Variants in CDCA7L observed in about 807,000 individuals in gnomAD.
CDCA7L encodes the protein cell division cycle-associated 7-like protein.
A neutral mutation model predicts 57.4 loss-of-function variants in CDCA7L; 44 were observed. The ratio of observed to expected loss-of-function variants is 0.77; its 90% CI spans 0.60 to 0.98. The LOEUF is 0.98. Among genes scored for constraint, CDCA7L ranks in the 50% least tolerant of loss-of-function variants. The probability of loss-of-function intolerance (pLI) is 0.00; values close to 1 mark genes in which losing one functional copy is unlikely to be tolerated. For synonymous variants in CDCA7L, 236 were observed against 202.8 expected, an observed-to-expected ratio of 1.16 and a Z score of -1.39; for missense variants, 644 against 580.6, an observed-to-expected ratio of 1.11 and a Z score of -1.12.
intron 1 of CDCA7L, among the ~76,000 whole-genome samples, chr7:21,945,192 CAT>C (rs554013481): frequency 3.1e-4 from 47 of 152,188 alleles, no homozygotes; most frequent in African/African-American, 1.1e-3. Context: ...TCGTGCTGTG[CAT>C]ATGATTTGGG....
intron 2 of CDCA7L, among the ~76,000 whole-genome samples, chr7:21,915,716 A>T (rs1785464132): frequency 6.6e-6 from 1 of 150,984 alleles, no homozygotes; most frequent in African/African-American, 2.4e-5. Flanking sequence ...AATCCCAGCT[A>T]CTCGGGAGGC....
chr7:21,916,896 T>C lies in CDCA7L; in HGVS notation c.25-2A>G. On this transcript the variant is annotated splice_acceptor_variant, in intron 1 of 9. Coordinates refer to ENST00000406877, the MANE Select transcript of CDCA7L (RefSeq NM_018719.5). LOFTEE classifies it high-confidence loss of function. The stretch of plus-strand genomic sequence containing the variant: ...GATGTCAGCCACTTCTTTAGGGATC[T>C]GTTTTGGATTCAAAAGAGGCAGGAT... The C allele has an allele frequency of 6.2e-7, 1 of 1,614,042 alleles. No homozygotes were observed. The highest frequency in any genetic ancestry group is 8.5e-7 in the Non-Finnish European group (1 of 1,179,948).
chr7:21,905,983 G>C (rs1785125605), intron 6 of CDCA7L, among the ~76,000 whole-genome samples: 1 of 152,230 alleles, frequency 6.6e-6, no homozygotes, highest in Non-Finnish European at 1.5e-5. Flanking sequence ...AAGGCAAGGA[G>C]GAATCACTGC....
At chr7:21,903,797 C>T (rs1454842921) in intron 8 of CDCA7L, 1 of 232,672 alleles carries the variant, frequency 4.3e-6, no homozygotes, top group African/African-American at 2.3e-5. Flanking sequence ...AAAAACAAAA[C>T]AAATCAGAGG....
intron 2 of CDCA7L, among the ~76,000 whole-genome samples, chr7:21,915,645 A>AC (rs965541528): frequency 3.6e-5 from 4 of 111,060 alleles, no homozygotes; most frequent in Non-Finnish European, 6.9e-5. Context: ...TAAAAAAAAA[A>AC]AAAAAAAAAA....
At chr7:21,915,105 G>T (rs1391244645) in intron 2 of CDCA7L, among the ~76,000 whole-genome samples, 1 of 152,160 alleles carries the variant, frequency 6.6e-6, no homozygotes, top group Non-Finnish European at 1.5e-5. Flanking sequence ...GAGCATTCGG[G>T]TAAGAGCTAC....
In CDCA7L at chr7:21,911,687, T is replaced by A. The variant is rs747912377; in HGVS notation, c.233A>T (p.Asp78Val). 6 of 1,613,766 alleles carry A rather than the reference T, an allele frequency of 3.7e-6. No individual in the cohort carries two copies. The Admixed American group carries it at 8.3e-5, about 22-fold the overall frequency. ...TCCTGCAAAATCCTCAGTCTCTGAG[T>A]CAGTGTCCTCTATAAAAATTCTTCT... ...ELRRIFIEDT[D>V]SETEDFAGFT... The change falls in exon 3 of 10, where the codon GAC becomes GTC. Residue 78 changes from aspartate (D) to valine (V), a missense_variant. Coordinates refer to ENST00000406877, the MANE Select transcript of CDCA7L (RefSeq NM_018719.5).
chr7:21,902,455 C>G, intron 9 of CDCA7L, 103 bp from the exon 10 acceptor site: 1 of 1,115,936 alleles, frequency 9.0e-7, no homozygotes, highest in Non-Finnish European at 1.4e-6. Context: ...AAGCCAGAAC[C>G]CAGATCTCCT....
chr7:21,943,313 CCTT>C (rs1477497229), intron 1 of CDCA7L, among the ~76,000 whole-genome samples: 9 of 152,230 alleles, frequency 5.9e-5, no homozygotes, highest in African/African-American at 2.2e-4. Flanking sequence ...AAATGAGTCT[CCTT>C]GTTTGCTTCT....
At chr7:21,913,575 G>C (rs1282020627) in intron 2 of CDCA7L, among the ~76,000 whole-genome samples, 1 of 152,224 alleles carries the variant, frequency 6.6e-6, no homozygotes, top group Non-Finnish European at 1.5e-5. Flanking sequence ...AGGCCTCTCA[G>C]TGCAAGAAAC....
At chr7:21,938,433 C>T (rs567831009) in intron 1 of CDCA7L, among the ~76,000 whole-genome samples, 1 of 151,980 alleles carries the variant, frequency 6.6e-6, no homozygotes, top group Non-Finnish European at 1.5e-5. Context: ...AATTGGAACA[C>T]TCGTGCACTG....
chr7:21,930,427 T>A (rs1430636168), intron 1 of CDCA7L, among the ~76,000 whole-genome samples: 1 of 152,030 alleles, frequency 6.6e-6, no homozygotes, highest in Non-Finnish European at 1.5e-5. Context: ...CCGGGTGCAG[T>A]GGCTCTCGCC....
At chr7:21,907,808 G>T (rs532823202) in intron 4 of CDCA7L, among the ~76,000 whole-genome samples, 2 of 152,194 alleles carry the variant, frequency 1.3e-5, no homozygotes, top group Non-Finnish European at 2.9e-5. Flanking sequence ...TGCTGGGAAC[G>T]GGCTAGTTGT....
chr7:21,944,449 C>CAAAAAAAAAAAAA lies in CDCA7L; in HGVS notation c.24+1319_24+1331dup, dbSNP rs59373889. 1.2e-3 allele frequency among the ~76,000 whole-genome samples: 72 copies of CAAAAAAAAAAAAA among 61,626 alleles called. 9 individuals are homozygous for CAAAAAAAAAAAAA. Among genetic ancestry groups the CAAAAAAAAAAAAA allele is most frequent in the African/African-American group, 6.3e-3 (70 of 11,152 alleles). The allele number at this position is 61,626 out of a possible 152,430, so 40.4% of individuals were successfully genotyped here. On this transcript the variant is annotated intron_variant, in intron 1 of 9. Transcript: ENST00000406877. ...CCGGACAAGAGCGAAACTCCGTCTC[C>CAAAAAAAAAAAAA]AAAAAAAAAAAAAAAAAAAAAAGGA...
chr7:21,901,463 TACTC>T lies in CDCA7L; in HGVS notation c.*855_*858del, dbSNP rs1784843576. 1.7e-6 allele frequency: 1 copy of T among 579,594 alleles called. No homozygotes were observed. Among genetic ancestry groups the T allele is most frequent in the Non-Finnish European group, 2.5e-6 (1 of 397,394 alleles). The allele number at this position is 579,594 out of a possible 1,614,324, so 35.9% of individuals were successfully genotyped here. A position where few individuals can be genotyped will look rare whatever the true frequency, so the allele number is the denominator to read the frequency against. ...GGTGGCACACGACTGTAATCCCAGT[TACTC>T]AGGAGGTAGGAGAATCACTTGAACC... On this transcript the variant is annotated 3_prime_UTR_variant, in exon 10 of 10. Transcript: ENST00000406877.
intron 1 of CDCA7L, among the ~76,000 whole-genome samples, chr7:21,940,547 A>G (rs1399240984): frequency 2.0e-5 from 3 of 152,228 alleles, no homozygotes; most frequent in Admixed American, 2.0e-4. Context: ...GTGTGGTATG[A>G]TAAATGTGAT....
intron 1 of CDCA7L, among the ~76,000 whole-genome samples, chr7:21,925,113 AAAGG>A (rs1045761105): frequency 2.6e-5 from 4 of 152,158 alleles, no homozygotes; most frequent in Admixed American, 1.3e-4. Flanking sequence ...ACAAACAAAA[AAAGG>A]TAGGGCAAAG....
Position 21,904,198 on chromosome 7 carries a change from T to G in CDCA7L, c.1109A>C (p.Gln370Pro). ...CTGTCCTCGCACACCACAGCAACCC[T>G]GGTTCCGACACACTGTCTTGGTGTC... ...TIDTKTVCRN[Q>P]GCCGVRGQFC... Residue 370 changes from glutamine (Q) to proline (P), a missense_variant, in exon 8 of 10, where the codon CAG becomes CCG. Physicochemically the swap from Gln to Pro is moderately conservative, Grantham distance 76. Transcript: ENST00000406877. 1 of 1,613,826 alleles carries G rather than the reference T, an allele frequency of 6.2e-7. No homozygotes were observed. Among genetic ancestry groups the G allele is most frequent in the Non-Finnish European group, 8.5e-7 (1 of 1,179,852 alleles).
chr7:21,916,976 A>G, intron 1 of CDCA7L, 82 bp from the exon 2 acceptor site: 1 of 1,509,436 alleles, frequency 6.6e-7, no homozygotes, highest in Non-Finnish European at 9.1e-7. Context: ...GGGAGGAGAG[A>G]TCTCATCACT....
Sources: allele counts gnomAD v4.1 joint callset (sites outside exome capture counted in the v4.1 genomes callset), GRCh38; gene constraint gnomAD v4.1.1; transcripts MANE v1.5; gene names NCBI Gene and HGNC (gene_info 2026-07-23, HGNC 2026-07-21).